LRRIQ3: variants seen among roughly 807,000 people sequenced by gnomAD.
LRRIQ3 encodes leucine rich repeats and IQ motif containing 3.
Under a neutral mutation model 59.3 loss-of-function variants are expected in LRRIQ3, and 75 were observed. The observed-to-expected ratio is 1.26, with a 90% CI of 1.05 to 1.53. The LOEUF is 1.53. LRRIQ3 is among the 40% of genes most tolerant of loss of function. The pLI is 0.00. For missense variants in LRRIQ3, 831 were observed against 710.0 expected (o/e 1.17, Z -1.94); for synonymous variants, 250 against 231.3 (o/e 1.08, Z -0.73).
At chr1:74,162,466 A>C (rs1648716299) in intron 3 of LRRIQ3, among the ~76,000 whole-genome samples, 1 of 151,816 alleles carries the variant, frequency 6.6e-6, no homozygotes, top group Non-Finnish European at 1.5e-5. Flanking sequence ...TACGTGCCTG[A>C]AATGAAACGG....
chr1:74,082,268 C>T (rs1157898406), intron 5 of LRRIQ3: 3 of 151,418 alleles, frequency 2.0e-5, no homozygotes, highest in African/African-American at 7.3e-5. Context: ...AATTCTTAAG[C>T]TCCTGATTAA....
Position 74,144,479 on chromosome 1 carries a change from GT to G in LRRIQ3, c.707+11253del, listed in dbSNP as rs533046525. 1,096 of 257,328 alleles carry G rather than the reference GT, an allele frequency of 4.3e-3. 5 individuals carry two copies. Among genetic ancestry groups the G allele is most frequent in the African/African-American group, 0.017 (556 of 33,208 alleles). The allele number at this position is 257,328 out of a possible 1,614,324, so 15.9% of individuals were successfully genotyped here. On this transcript the variant is annotated intron_variant, in intron 4 of 7. Transcript: ENST00000354431. ...TCAACTTAAAAATTAGAAAAAAAAT[GT>G]TTTTTTTTTCTCGCTTTCTTGGACA...
intron 4 of LRRIQ3, among the ~76,000 whole-genome samples, chr1:74,123,938 A>G (rs1646898414): frequency 6.6e-6 from 1 of 151,846 alleles, no homozygotes; most frequent in South Asian, 2.1e-4. Context: ...CCAATGTCAA[A>G]TTATACTACA....
At chr1:74,031,774 TA>T (rs1653726521) in intron 7 of LRRIQ3, among the ~76,000 whole-genome samples, 1 of 151,810 alleles carries the variant, frequency 6.6e-6, no homozygotes, top group Non-Finnish European at 1.5e-5. Context: ...AAAATATATT[TA>T]AAAAAGTCTT....
chr1:74,157,017 C>CA (rs901903721), intron 3 of LRRIQ3, among the ~76,000 whole-genome samples: 65 of 148,826 alleles, frequency 4.4e-4, no homozygotes, highest in South Asian at 1.3e-3. Context: ...TTACAGGAAA[C>CA]AAAAAAAAAA....
intron 3 of LRRIQ3, among the ~76,000 whole-genome samples, chr1:74,177,644 T>C (rs1049592195): frequency 2.0e-5 from 3 of 152,070 alleles, no homozygotes; most frequent in Non-Finnish European, 2.9e-5. Context: ...GTTTATTACA[T>C]ATAATATCTT....
chr1:74,114,991 CTTTAA>C (rs1486329972), intron 4 of LRRIQ3, among the ~76,000 whole-genome samples: 2 of 151,692 alleles, frequency 1.3e-5, no homozygotes, highest in Admixed American at 6.6e-5. Flanking sequence ...TAAATATAAT[CTTTAA>C]TTTTATTTTC....
chr1:74,155,616 A>G (rs1040479257), intron 4 of LRRIQ3, 117 bp downstream of exon 4: 2 of 839,536 alleles, frequency 2.4e-6, no homozygotes, highest in Non-Finnish European at 3.6e-6. Flanking sequence ...TAAACAGACT[A>G]TACCATTTTA....
chr1:74,170,269 G>A (rs926232043), intron 3 of LRRIQ3, among the ~76,000 whole-genome samples: 1 of 152,096 alleles, frequency 6.6e-6, no homozygotes, highest in Non-Finnish European at 1.5e-5. Context: ...ATGTCAAGAA[G>A]GTTTTCCCCT....
intron 6 of LRRIQ3, among the ~76,000 whole-genome samples, chr1:74,064,840 T>C (rs1291799032): frequency 1.3e-5 from 2 of 152,078 alleles, no homozygotes; most frequent in Non-Finnish European, 2.9e-5. Context: ...TGTTTTTCTC[T>C]TACTACTTTC....
intron 3 of LRRIQ3, among the ~76,000 whole-genome samples, chr1:74,162,208 A>G (rs1477805998): frequency 6.6e-6 from 1 of 151,926 alleles, no homozygotes; most frequent in African/African-American, 2.4e-5. Context: ...AGGGACTTCT[A>G]CATACATTAT....
intron 4 of LRRIQ3, among the ~76,000 whole-genome samples, chr1:74,132,932 A>G (rs1006972025): frequency 1.3e-5 from 2 of 152,192 alleles, no homozygotes; most frequent in African/African-American, 4.8e-5. Context: ...CAGGCAACCT[A>G]CAGAATGGGA....
chr1:74,148,883 C>T (rs886240408), intron 4 of LRRIQ3, among the ~76,000 whole-genome samples: 1 of 152,058 alleles, frequency 6.6e-6, no homozygotes, highest in South Asian at 2.1e-4. Context: ...TGAAACCATG[C>T]CAAGTGAGGA....
intron 6 of LRRIQ3, among the ~76,000 whole-genome samples, chr1:74,060,796 C>G (rs1654700656): frequency 6.6e-6 from 1 of 152,054 alleles, no homozygotes; most frequent in Non-Finnish European, 1.5e-5. Flanking sequence ...AGCAGATCTT[C>G]AGAAGGAAGG....
intron 3 of LRRIQ3, among the ~76,000 whole-genome samples, chr1:74,167,813 A>AACAC (rs201436183): frequency 6.6e-6 from 1 of 150,724 alleles, no homozygotes; most frequent in African/African-American, 2.4e-5. Context: ...ACATAAAATA[A>AACAC]ACACACACAC....
intron 6 of LRRIQ3, among the ~76,000 whole-genome samples, chr1:74,046,469 G>T (rs1215982844): frequency 6.6e-6 from 1 of 151,798 alleles, no homozygotes; most frequent in Non-Finnish European, 1.5e-5. Flanking sequence ...ATGGATTAAA[G>T]ACTTAAACCT....
At chr1:74,071,040 CACACACAT>C (rs1655012495) in intron 6 of LRRIQ3, among the ~76,000 whole-genome samples, 1 of 150,154 alleles carries the variant, frequency 6.7e-6, no homozygotes, top group African/African-American at 2.5e-5. Flanking sequence ...TATACACACA[CACACACAT>C]ACACACACAT....
intron 6 of LRRIQ3, among the ~76,000 whole-genome samples, chr1:74,045,175 C>T (rs1322359001): frequency 6.6e-6 from 1 of 152,072 alleles, no homozygotes; most frequent in Non-Finnish European, 1.5e-5. Context: ...AAATTTCAGG[C>T]CACTATCCCT....
At chr1:74,039,535 A>G (rs1241234465) in intron 7 of LRRIQ3, among the ~76,000 whole-genome samples, 1 of 152,002 alleles carries the variant, frequency 6.6e-6, no homozygotes. Context: ...GCAGCCAGAG[A>G]GAAAGGCCAA....
Sources: allele counts gnomAD v4.1 joint callset (sites outside exome capture counted in the v4.1 genomes callset), GRCh38; gene constraint gnomAD v4.1.1; transcripts MANE v1.5; gene names NCBI Gene and HGNC (gene_info 2026-07-23, HGNC 2026-07-21).